Variants in SLCO1A2 observed in about 807,000 individuals in gnomAD.
SLCO1A2 encodes the protein OATP-1.
Under a neutral mutation model 69.0 loss-of-function variants are expected in SLCO1A2, and 67 were observed. The ratio of observed to expected loss-of-function variants is 0.97; its 90% CI spans 0.80 to 1.19. The LOEUF is 1.19. SLCO1A2 is among the 50% of genes most tolerant of loss of function. The pLI is 0.00. For missense variants in SLCO1A2, 787 were observed against 793.7 expected (o/e 0.99, Z 0.10); for synonymous variants, 260 against 265.9 (o/e 0.98, Z 0.22).
upstream of SLCO1A2, among the ~76,000 whole-genome samples, chr12:21,399,962 A>G (rs556928693): frequency 5.2e-3 from 784 of 152,162 alleles, 5 homozygotes; most frequent in African/African-American, 0.018. Flanking sequence ...GGACATAGGC[A>G]TTGGCAAGGA....
chr12:21,380,694 A>C (rs1940529747), intron 1 of SLCO1A2, among the ~76,000 whole-genome samples: 1 of 152,188 alleles, frequency 6.6e-6, no homozygotes, highest in Non-Finnish European at 1.5e-5. Flanking sequence ...TTGTAATTGG[A>C]GGTACCAACA....
At chr12:21,397,473 A>G (rs1032975025), upstream of SLCO1A2, among the ~76,000 whole-genome samples, 1 of 151,804 alleles carries the variant, frequency 6.6e-6, no homozygotes, top group Non-Finnish European at 1.5e-5. Context: ...ACGAGACAGA[A>G]AGTCAACAAG....
chr12:21,357,321 G>T (rs953122589), intron 2 of SLCO1A2, among the ~76,000 whole-genome samples: 1 of 152,152 alleles, frequency 6.6e-6, no homozygotes, highest in East Asian at 1.9e-4. Context: ...AATGCCTCAT[G>T]GGAATGAAGA....
At chr12:21,326,754 G>A (rs7300346) in intron 2 of SLCO1A2, among the ~76,000 whole-genome samples, 1 of 152,158 alleles carries the variant, frequency 6.6e-6, no homozygotes, top group Non-Finnish European at 1.5e-5. Context: ...CTTTCAAGAA[G>A]TGACTTGGGT....
chr12:21,405,352 G>C (rs2137198792), intron 1 of SLCO1A2, among the ~76,000 whole-genome samples: 1 of 152,062 alleles, frequency 6.6e-6, no homozygotes, highest in South Asian at 2.1e-4. Context: ...GGTTTTTATA[G>C]TTTTGGGTTT....
At chr12:21,313,582 T>C (rs1056364486) in intron 4 of SLCO1A2, among the ~76,000 whole-genome samples, 2 of 151,984 alleles carry the variant, frequency 1.3e-5, no homozygotes, top group Non-Finnish European at 2.9e-5. Flanking sequence ...TGTAGTGGCA[T>C]GCACCTATAA....
intron 5 of SLCO1A2, among the ~76,000 whole-genome samples, chr12:21,306,300 T>G (rs1949380283): frequency 6.6e-6 from 1 of 152,116 alleles, no homozygotes; most frequent in Non-Finnish European, 1.5e-5. Context: ...GGGATGAACT[T>G]AACAGTGGTC....
chr12:21,404,677 A>G (rs1458927873), intron 1 of SLCO1A2, among the ~76,000 whole-genome samples: 1 of 152,156 alleles, frequency 6.6e-6, no homozygotes, highest in East Asian at 1.9e-4. Context: ...TGCTATTGTG[A>G]ATAGTGCTGC....
intron 2 of SLCO1A2, among the ~76,000 whole-genome samples, chr12:21,320,342 C>A (rs1014197830): frequency 2.0e-5 from 3 of 152,178 alleles, no homozygotes; most frequent in Admixed American, 6.5e-5. Context: ...TCTATCCCTA[C>A]CTTCTCTAAT....
Position 21,326,409 on chromosome 12 carries a change from G to A in SLCO1A2, c.61-7486C>T, listed in dbSNP as rs1591847204. ...AGGCAGAGGTTAGAACAGTGTGGAGGGCTCAGAAGAAAATAGGAAAATGTA... is the reference window on the plus strand; with the variant it reads ...AGGCAGAGGTTAGAACAGTGTGGAGAGCTCAGAAGAAAATAGGAAAATGTA... On this transcript the variant is annotated intron_variant, in intron 2 of 14. Transcript: ENST00000683939. Among the ~76,000 whole-genome samples, 5 of 152,264 alleles carry A rather than the reference G, an allele frequency of 3.3e-5. No homozygotes were observed. In the South Asian group the frequency reaches 1.0e-3, roughly 32 times the overall value.
At chr12:21,293,868 T>G (rs1947296868) in intron 11 of SLCO1A2, 77 bp downstream of exon 11, 1 of 1,214,744 alleles carries the variant, frequency 8.2e-7, no homozygotes, top group Non-Finnish European at 1.1e-6. Flanking sequence ...ATTTTACTTT[T>G]ATTAAATATA....
chr12:21,402,361 G>A (rs937431370), intron 1 of SLCO1A2, among the ~76,000 whole-genome samples: 8 of 151,962 alleles, frequency 5.3e-5, no homozygotes, highest in African/African-American at 1.9e-4. Flanking sequence ...ATGAACTGGG[G>A]TTTATAAGAG....
In SLCO1A2 at chr12:21,301,223, C is replaced by A. The variant is rs1272118285; in HGVS notation, c.636G>T (p.Leu212Phe). ...AAACATTTGCACAGAATGATGCCAA[C>A]AAAAGTCCAATCAAAGGACCAATAA... ...GAIIGPLIGL[L>F]LASFCANVYV... Residue 212 changes from leucine to phenylalanine, a missense_variant, in exon 7 of 15, where the codon TTG (leucine) becomes TTT (phenylalanine). Leu to Phe is a conservative substitution (Grantham distance 22, BLOSUM62 0). Transcript: ENST00000683939. 17 of 1,612,472 alleles carry A rather than the reference C, an allele frequency of 1.1e-5. No individual in the cohort carries two copies. Among genetic ancestry groups the A allele is most frequent in the Non-Finnish European group, 1.4e-5 (17 of 1,179,384 alleles).
At chr12:21,270,738 ATATC>A (rs1165193170) in intron 14 of SLCO1A2, among the ~76,000 whole-genome samples, 4 of 151,560 alleles carry the variant, frequency 2.6e-5, no homozygotes, top group Admixed American at 1.3e-4. Context: ...GTCTAGAAAA[ATATC>A]TATTTAATAT....
chr12:21,270,184 G>C (rs948169822), intron 14 of SLCO1A2, among the ~76,000 whole-genome samples: 3 of 151,690 alleles, frequency 2.0e-5, no homozygotes, highest in Non-Finnish European at 3.0e-5. Context: ...ATCAGATTAA[G>C]GAAGTTATTT....
chr12:21,297,815 T>C (rs543817197), intron 8 of SLCO1A2, among the ~76,000 whole-genome samples: 1 of 152,296 alleles, frequency 6.6e-6, no homozygotes, highest in South Asian at 2.1e-4. Context: ...AATAAGTCAC[T>C]GTTGAGTCTT....
At chr12:21,299,770 GTATA>G (rs749456623) in intron 8 of SLCO1A2, among the ~76,000 whole-genome samples, 1 of 129,704 alleles carries the variant, frequency 7.7e-6, no homozygotes, top group African/African-American at 2.8e-5. Context: ...ATATACGTGT[GTATA>G]TATATATATA....
intron 2 of SLCO1A2, among the ~76,000 whole-genome samples, chr12:21,342,964 C>T (rs985191868): frequency 3.9e-5 from 6 of 151,954 alleles, no homozygotes; most frequent in African/African-American, 7.2e-5. Context: ...CATGAACATA[C>T]GCTCATACTT....
intron 2 of SLCO1A2, among the ~76,000 whole-genome samples, chr12:21,347,016 T>C (rs1953273400): frequency 1.3e-5 from 2 of 150,658 alleles, no homozygotes; most frequent in African/African-American, 4.9e-5. Context: ...CTGTCAAGAC[T>C]GCATTGTTTT....
Sources: allele counts gnomAD v4.1 joint callset (sites outside exome capture counted in the v4.1 genomes callset), GRCh38; gene constraint gnomAD v4.1.1; transcripts MANE v1.5; gene names NCBI Gene and HGNC (gene_info 2026-07-23, HGNC 2026-07-21).